SLC44A2: variants seen among roughly 807,000 people sequenced by gnomAD.
SLC44A2 encodes solute carrier family 44 member 2 (CTL2 blood group), also known as choline transporter-like protein 2.
A neutral mutation model predicts 90.8 loss-of-function variants in SLC44A2; 57 were observed. That is an observed-to-expected ratio of 0.63 (90% CI 0.51 to 0.78). SLC44A2 has a LOEUF of 0.78. Ranked by LOEUF, SLC44A2 falls within the 30% of genes least tolerant of loss-of-function variation. The pLI is 0.00. For missense variants in SLC44A2, 794 were observed against 919.7 expected, an observed-to-expected ratio of 0.86 and a Z score of 1.77; for synonymous variants, 355 against 360.7, an observed-to-expected ratio of 0.98 and a Z score of 0.18.
chr19:10,627,933 A>G lies in SLC44A2; in HGVS notation c.174A>G (p.Gly58=), dbSNP rs748017567. 6.2e-7 allele frequency: 1 copy of G among 1,614,004 alleles called. No individual in the cohort carries two copies. Among genetic ancestry groups the G allele is most frequent in the Non-Finnish European group, 8.5e-7 (1 of 1,179,982 alleles). The change falls in exon 4 of 22, where the codon GGA becomes GGG. Residue 58 remains glycine (G), a synonymous_variant. Coordinates refer to ENST00000335757, the MANE Select transcript of SLC44A2 (RefSeq NM_020428.4). ...ATCTTTCCACAGCCTGGACTCATGG[A>G]GACCCTCGAAAGGTGATCTACCCCA... ...VAVGIIAWTH[G]DPRKVIYPTD...
At chr19:10,602,547 A>G in exon 1 of SLC44A2, 1 of 1,281,362 alleles carries the variant, frequency 7.8e-7, no homozygotes, top group South Asian at 2.8e-5. Flanking sequence ...GACGAGCGGA[A>G]AAACGGAGCC....
At chr19:10,632,474 T>G (rs1230711889) in intron 10 of SLC44A2, among the ~76,000 whole-genome samples, 3 of 146,790 alleles carry the variant, frequency 2.0e-5, no homozygotes, top group African/African-American at 7.6e-5. Flanking sequence ...AGGCGGAGGT[T>G]GTGGTGAGCC....
chr19:10,611,409 G>A (rs964841878), intron 1 of SLC44A2, among the ~76,000 whole-genome samples: 2 of 152,006 alleles, frequency 1.3e-5, no homozygotes, highest in Non-Finnish European at 2.9e-5. Flanking sequence ...CCAAGATTGC[G>A]CCACTGCACT....
intron 1 of SLC44A2, among the ~76,000 whole-genome samples, chr19:10,609,938 T>A (rs1030257042): frequency 7.2e-5 from 11 of 152,044 alleles, no homozygotes; most frequent in African/African-American, 2.7e-4. Flanking sequence ...CCCGAATAGC[T>A]GGGATTATAG....
At chr19:10,606,550 C>T (rs2144799829) in intron 1 of SLC44A2, among the ~76,000 whole-genome samples, 1 of 152,226 alleles carries the variant, frequency 6.6e-6, no homozygotes, top group East Asian at 1.9e-4. Flanking sequence ...GTGGCTCACG[C>T]CTCTAATATC....
At chr19:10,634,930 G>C in intron 11 of SLC44A2, 43 bp downstream of exon 11, 3 of 1,614,192 alleles carry the variant, frequency 1.9e-6, no homozygotes, top group Non-Finnish European at 2.5e-6. Context: ...TGAGGCCTTG[G>C]AGGGAGTGGG....
At chr19:10,617,335 T>G (rs1443189419) in intron 1 of SLC44A2, among the ~76,000 whole-genome samples, 2 of 152,120 alleles carry the variant, frequency 1.3e-5, no homozygotes, top group Admixed American at 6.6e-5. Context: ...TTCCCCTCCC[T>G]TCGTCCCCAC....
intron 1 of SLC44A2, among the ~76,000 whole-genome samples, chr19:10,618,946 A>G (rs1911843793): frequency 6.8e-6 from 1 of 146,410 alleles, no homozygotes; most frequent in Admixed American, 6.9e-5. Flanking sequence ...TACATGTATC[A>G]TGTATACAAT....
intron 20 of SLC44A2, among the ~76,000 whole-genome samples, chr19:10,640,271 A>C (rs1321091433): frequency 6.6e-6 from 1 of 151,878 alleles, no homozygotes; most frequent in Non-Finnish European, 1.5e-5. Context: ...TTGTATTTTT[A>C]GTAGAGACGG....
chr19:10,633,988 T>TTTTTTTTTTTTTTTA (rs1285330749), intron 10 of SLC44A2, among the ~76,000 whole-genome samples: 1 of 148,184 alleles, frequency 6.7e-6, no homozygotes, highest in African/African-American at 2.5e-5. Context: ...TTTTTTTTTT[T>TTTTTTTTTTTTTTTA]GAGACAGAGT....
At chr19:10,633,257 C>T (rs972049141) in intron 10 of SLC44A2, among the ~76,000 whole-genome samples, 5 of 150,626 alleles carry the variant, frequency 3.3e-5, no homozygotes, top group Admixed American at 1.3e-4. Context: ...CTCTGCCTCC[C>T]GGGTTCAAGC....
At chr19:10,622,946 T>G (rs550013864), upstream of SLC44A2, among the ~76,000 whole-genome samples, 1 of 152,236 alleles carries the variant, frequency 6.6e-6, no homozygotes, top group Non-Finnish European at 1.5e-5. Flanking sequence ...TATGAGATGC[T>G]CACGTGTGTT....
intron 10 of SLC44A2, among the ~76,000 whole-genome samples, chr19:10,634,333 G>A (rs147856654): frequency 0.027 from 4,126 of 151,250 alleles, 190 homozygotes; most frequent in African/African-American, 0.094. Flanking sequence ...GCATGGTGGC[G>A]CATGCCTGTA....
At chr19:10,626,745 ATATTTATT>A (rs564304520) in intron 2 of SLC44A2, among the ~76,000 whole-genome samples, 1 of 150,798 alleles carries the variant, frequency 6.6e-6, no homozygotes, top group Non-Finnish European at 1.5e-5. Context: ...TACCATGTTT[ATATTTATT>A]TATTTATTTA....
intron 20 of SLC44A2, among the ~76,000 whole-genome samples, chr19:10,640,098 T>TTC (rs1273526435): frequency 9.6e-5 from 8 of 83,696 alleles, no homozygotes; most frequent in African/African-American, 3.5e-4. Flanking sequence ...TTTTTTTTTT[T>TTC]TTTTTTTTCT....
chr19:10,637,306 C>T (rs937795589), intron 16 of SLC44A2, among the ~76,000 whole-genome samples: 4 of 151,946 alleles, frequency 2.6e-5, no homozygotes, highest in Admixed American at 1.3e-4. Flanking sequence ...GGGCCGAGAC[C>T]GAGCGACTGC....
chr19:10,621,331 G>A (rs1355784520), upstream of SLC44A2, among the ~76,000 whole-genome samples: 3 of 149,642 alleles, frequency 2.0e-5, no homozygotes, highest in Non-Finnish European at 4.4e-5. Flanking sequence ...CAGCCTGGGC[G>A]ACAGAGCGAG....
intron 1 of SLC44A2, 135 bp downstream of exon 1, chr19:10,625,805 C>A: frequency 1.3e-6 from 1 of 773,620 alleles, no homozygotes; most frequent in Non-Finnish European, 1.8e-6. Flanking sequence ...AGCCTCCCCA[C>A]CATCAGCCAG....
rs1016847973 is a variant in SLC44A2, at chr19:10,606,622, C to T, written c.31+4061C>T. ...GGTCTGGAGTTTGAGACCAACCTTA[C>T]CAATATCGTGAAACCCTGTCTCTAC... On this transcript the variant is annotated intron_variant, in intron 1 of 21. Coordinates refer to the SLC44A2 transcript ENST00000407327. Among the ~76,000 whole-genome samples, 5 of 152,122 alleles carry T rather than the reference C, an allele frequency of 3.3e-5. No homozygotes were observed. In the South Asian group the frequency reaches 1.0e-3, roughly 32 times the overall value.
Sources: gnomAD v4.1 joint callset for allele counts (sites outside exome capture counted in the v4.1 genomes callset) on GRCh38, gnomAD v4.1.1 for gene constraint, MANE v1.5 for transcripts, NCBI Gene and HGNC (gene_info 2026-07-23, HGNC 2026-07-21) for gene names.